C3orf70: variants seen among roughly 807,000 people sequenced by gnomAD.
C3orf70 encodes the protein chromosome 3 open reading frame 70.
Under a neutral mutation model 20.7 loss-of-function variants are expected in C3orf70, and 15 were observed. The ratio of observed to expected loss-of-function variants is 0.72; its 90% CI spans 0.48 to 1.11. C3orf70 has a LOEUF of 1.11. C3orf70 is among the 50% of genes most tolerant of loss of function. The pLI is 0.00. For missense variants in C3orf70, 332 were observed against 317.6 expected, an observed-to-expected ratio of 1.05 and a Z score of -0.34; for synonymous variants, 161 against 125.7, an observed-to-expected ratio of 1.28 and a Z score of -1.88.
At position 185,078,397 on chromosome 3, in the gene C3orf70, T is replaced by C. The variant is rs1025202512; in HGVS notation, c.*4610A>G. ...AGAAGTCATAGCACTAACTGAAACA[T>C]GGCCTTTTCCTAGAACAGCTAACTC... On this transcript the variant is annotated 3_prime_UTR_variant, in exon 2 of 2. Coordinates refer to ENST00000335012, the MANE Select transcript of C3orf70 (RefSeq NM_001025266.3). 1 of 152,264 alleles carries C rather than the reference T, an allele frequency of 6.6e-6. No homozygotes were observed. Among genetic ancestry groups the C allele is most frequent in the African/African-American group, 2.4e-5 (1 of 41,466 alleles). 9.4% of individuals were successfully genotyped at this position (152,264 alleles called of 1,614,324 possible).
intron 1 of C3orf70, among the ~76,000 whole-genome samples, chr3:185,106,925 G>A (rs538732510): frequency 2.6e-5 from 4 of 152,330 alleles, no homozygotes; most frequent in African/African-American, 9.6e-5. Context: ...CTGTTCCCTG[G>A]AAAGCAGAGC....
At chr3:185,087,254 A>G (rs894239699) in intron 1 of C3orf70, among the ~76,000 whole-genome samples, 2 of 152,252 alleles carry the variant, frequency 1.3e-5, no homozygotes, top group Non-Finnish European at 2.9e-5. Context: ...AAAGATACTC[A>G]GAGTGAGGGC....
chr3:185,133,887 A>G (rs1716570781), intron 1 of C3orf70, among the ~76,000 whole-genome samples: 1 of 152,194 alleles, frequency 6.6e-6, no homozygotes, highest in Admixed American at 6.5e-5. Context: ...TCAGGAGTTC[A>G]AGACCATTCT....
chr3:185,135,054 A>G (rs1716595215), intron 1 of C3orf70, among the ~76,000 whole-genome samples: 1 of 152,216 alleles, frequency 6.6e-6, no homozygotes, highest in Non-Finnish European at 1.5e-5. Context: ...TTATTTAATT[A>G]AGATTCAGAG....
chr3:185,152,936 C>T lies in C3orf70; in HGVS notation c.-113G>A. On this transcript the variant is annotated 5_prime_UTR_variant, in exon 1 of 2. Transcript: ENST00000335012. ...GGAGGGCGCGGCACGGGCCGGGAGTCACGCCAGCACGCGGCGGCGGCGGGA... is the reference window on the plus strand; with the variant it reads ...GGAGGGCGCGGCACGGGCCGGGAGTTACGCCAGCACGCGGCGGCGGCGGGA... 2 of 942,916 alleles carry T rather than the reference C, an allele frequency of 2.1e-6. No individual in the cohort carries two copies. The highest frequency in any genetic ancestry group is 2.8e-6 in the Non-Finnish European group (2 of 718,526). The allele number at this position is 942,916 out of a possible 1,614,324, so 58.4% of individuals were successfully genotyped here.
intron 1 of C3orf70, 115 bp from the exon 2 acceptor site, chr3:185,083,678 GA>G (rs1385908632): frequency 3.8e-6 from 3 of 794,474 alleles, no homozygotes; most frequent in Non-Finnish European, 5.7e-6. Flanking sequence ...CACCTCAAAA[GA>G]AACTAGTAAT....
rs976141498 is a variant in C3orf70 at position 185,153,018 on chromosome 3, G to T, written c.-195C>A. On this transcript the variant is annotated 5_prime_UTR_variant, in exon 1 of 2. Transcript: ENST00000335012. The surrounding 1 kb of genome is among the most constrained non-coding windows in gnomAD (Gnocchi z 6.8). The stretch of plus-strand genomic sequence containing the variant: ...CCCCGGGCGCTGCGACCGGGTCCGG[G>T]CTGGCAGCCTCCCTCCCTCCGGCGC... The T allele has an allele frequency of 4.2e-6, 1 of 239,532 alleles. No homozygotes were observed. The highest frequency in any genetic ancestry group is 7.6e-6 in the Non-Finnish European group (1 of 131,480). 14.8% of individuals were successfully genotyped at this position (239,532 alleles called of 1,614,324 possible).
Position 185,078,557 on chromosome 3 carries a change from C to T in C3orf70, c.*4450G>A, listed in dbSNP as rs1577313755. ...ATATCCGGGAACTTACAGCACTGAC[C>T]ACGTGTGTGGAACTCCCACTGGCTT... On this transcript the variant is annotated 3_prime_UTR_variant, in exon 2 of 2. Coordinates refer to ENST00000335012, the MANE Select transcript of C3orf70 (RefSeq NM_001025266.3). 1 of 152,176 alleles carries T rather than the reference C, an allele frequency of 6.6e-6. No homozygotes were observed. The highest frequency in any genetic ancestry group is 1.5e-5 in the Non-Finnish European group (1 of 68,034). The allele number at this position is 152,176 out of a possible 1,614,324, so 9.4% of individuals were successfully genotyped here. A position where few individuals can be genotyped will look rare whatever the true frequency, so the allele number is the denominator to read the frequency against.
rs146844262 is a variant in C3orf70, at chr3:185,087,740, TGATGGTTGC to T, written c.197-4186_197-4178del. 8.6e-3 allele frequency among the ~76,000 whole-genome samples: 1,313 copies of T among 152,190 alleles called. 18 individuals are homozygous for T. Among genetic ancestry groups the T allele is most frequent in the African/African-American group, 0.03 (1,264 of 41,502 alleles). On this transcript the variant is annotated intron_variant, in intron 1 of 1. Transcript: ENST00000335012. The stretch of plus-strand genomic sequence containing the variant: ...AAAGAGATGTGGAGATGGATGGTAG[TGATGGTTGC>T]ACAATATAAATGGACTTAACACCAC...
At chr3:185,121,356 A>AT (rs1229115445) in intron 1 of C3orf70, among the ~76,000 whole-genome samples, 12 of 148,270 alleles carry the variant, frequency 8.1e-5, no homozygotes, top group African/African-American at 2.9e-4. Context: ...ATCTATGGAA[A>AT]TTAAAAAAAA....
intron 1 of C3orf70, among the ~76,000 whole-genome samples, chr3:185,143,177 T>C (rs1716792699): frequency 6.6e-6 from 1 of 152,182 alleles, no homozygotes; most frequent in African/African-American, 2.4e-5. Context: ...ATTTCTCTTT[T>C]TTTGGCATAC....
At chr3:185,129,534 T>G (rs1195277644) in intron 1 of C3orf70, among the ~76,000 whole-genome samples, 2 of 152,206 alleles carry the variant, frequency 1.3e-5, no homozygotes, top group African/African-American at 4.8e-5. Context: ...GCTGTGGTGA[T>G]CACACGAGTG....
At chr3:185,101,790 G>A (rs931128660) in intron 1 of C3orf70, among the ~76,000 whole-genome samples, 1 of 152,038 alleles carries the variant, frequency 6.6e-6, no homozygotes, top group Non-Finnish European at 1.5e-5. Flanking sequence ...CTCCAACATG[G>A]GGATTACAAT....
At chr3:185,094,731 T>C (rs1009334694) in intron 1 of C3orf70, among the ~76,000 whole-genome samples, 1 of 152,154 alleles carries the variant, frequency 6.6e-6, no homozygotes, top group Admixed American at 6.5e-5. Context: ...ATAGCGAGTA[T>C]GTCTGCCTGT....
At chr3:185,118,221 T>C (rs1179007080) in intron 1 of C3orf70, among the ~76,000 whole-genome samples, 2 of 152,220 alleles carry the variant, frequency 1.3e-5, no homozygotes, top group African/African-American at 4.8e-5. Flanking sequence ...TCTGCAAGTC[T>C]TACTGGAGAT....
chr3:185,143,099 T>G (rs956889359), intron 1 of C3orf70, among the ~76,000 whole-genome samples: 1 of 152,186 alleles, frequency 6.6e-6, no homozygotes, highest in African/African-American at 2.4e-5. Flanking sequence ...TTAATTATCT[T>G]AGGTGTGAGT....
At chr3:185,149,222 G>A (rs1156732609) in intron 1 of C3orf70, among the ~76,000 whole-genome samples, 3 of 152,038 alleles carry the variant, frequency 2.0e-5, no homozygotes, top group African/African-American at 7.2e-5. Context: ...GTGAAATCCC[G>A]TCTCTACTAA....
At chr3:185,083,766 G>GA (rs1715404164) in intron 1 of C3orf70, among the ~76,000 whole-genome samples, 1 of 152,128 alleles carries the variant, frequency 6.6e-6, no homozygotes, top group Non-Finnish European at 1.5e-5. Context: ...AGACTCAATC[G>GA]ACTTTCTAAA....
At chr3:185,123,507 C>CTT (rs35575125) in intron 1 of C3orf70, among the ~76,000 whole-genome samples, 17 of 140,242 alleles carry the variant, frequency 1.2e-4, no homozygotes, top group African/African-American at 2.9e-4. Context: ...TTTTTCTTTC[C>CTT]TTTTTTTTTT....
Sources: gnomAD v4.1 joint callset for allele counts (sites outside exome capture counted in the v4.1 genomes callset) on GRCh38, gnomAD v4.1.1 for gene constraint, Gnocchi (gnomAD v3.1) non-coding constraint, MANE v1.5 for transcripts, NCBI Gene and HGNC (gene_info 2026-07-23, HGNC 2026-07-21) for gene names.